The following MAGI2 variants were observed in gnomAD, a reference collection of about 807,000 sequenced individuals.
MAGI2 encodes the protein membrane associated guanylate kinase, WW and PDZ domain containing 2.
Under a neutral mutation model 133.3 loss-of-function variants are expected in MAGI2, and 35 were observed. That is an observed-to-expected ratio of 0.26 (90% CI 0.20 to 0.35). MAGI2 has a LOEUF of 0.35. Ranked by LOEUF, MAGI2 falls within the 10% of genes least tolerant of loss-of-function variation. The pLI is 1.00. For synonymous variants in MAGI2, 729 were observed against 710.6 expected (o/e 1.03, Z -0.41); for missense variants, 1,636 against 1,863.4 (o/e 0.88, Z 2.25).
chr7:78,524,378 A>G (rs1248020532), intron 3 of MAGI2, among the ~76,000 whole-genome samples: 1 of 152,182 alleles, frequency 6.6e-6, no homozygotes, highest in Non-Finnish European at 1.5e-5. Flanking sequence ...TTTATTAAAA[A>G]AAACTGTAAA....
At chr7:79,358,245 C>T (rs576645491) in intron 1 of MAGI2, among the ~76,000 whole-genome samples, 11 of 152,152 alleles carry the variant, frequency 7.2e-5, no homozygotes, top group Middle Eastern at 3.4e-3. Context: ...GTGCAATGTG[C>T]ATTTGATTAA....
At chr7:78,745,820 G>A (rs1307385589) in intron 2 of MAGI2, among the ~76,000 whole-genome samples, 2 of 152,062 alleles carry the variant, frequency 1.3e-5, no homozygotes, top group Non-Finnish European at 2.9e-5. Context: ...GGTATTCTAG[G>A]CATCTTTTCT....
intron 2 of MAGI2, among the ~76,000 whole-genome samples, chr7:78,961,413 T>C (rs1802828777): frequency 6.6e-6 from 1 of 152,062 alleles, no homozygotes; most frequent in African/African-American, 2.4e-5. Context: ...TTCTTTTCTA[T>C]CCCAGAAAAA....
intron 2 of MAGI2, among the ~76,000 whole-genome samples, chr7:78,729,267 A>G (rs1474019625): frequency 3.3e-5 from 5 of 152,220 alleles, no homozygotes; most frequent in Non-Finnish European, 7.3e-5. Flanking sequence ...AGTTAAGATA[A>G]ATTACAAAAC....
At position 78,846,378 on chromosome 7, in the gene MAGI2, A is replaced by C. The variant is rs191270180; in HGVS notation, c.418+160712T>G. Among the ~76,000 whole-genome samples the C allele has an allele frequency of 9.9e-5, 15 of 152,040 alleles. No homozygotes were observed. The East Asian group carries it at 2.7e-3, about 28-fold the overall frequency. ...TATTCATGTGTTCTAATCATGTCAG[A>C]TGGGTGGGTATATAGCAAGTCTTCA... is the stretch of plus-strand genomic sequence containing the variant. On this transcript the variant is annotated intron_variant, in intron 2 of 21. Transcript: ENST00000354212.
At chr7:79,370,750 C>G (rs1842999389) in intron 1 of MAGI2, among the ~76,000 whole-genome samples, 1 of 151,864 alleles carries the variant, frequency 6.6e-6, no homozygotes, top group Admixed American at 6.6e-5. Flanking sequence ...TTTGCTTGAG[C>G]CTTAACAGAA....
chr7:78,545,782 A>G (rs1159019568), intron 3 of MAGI2, among the ~76,000 whole-genome samples: 1 of 152,194 alleles, frequency 6.6e-6, no homozygotes, highest in Non-Finnish European at 1.5e-5. Flanking sequence ...TTTAGTCAAC[A>G]TGAGACTGAT....
chr7:78,167,410 A>G (rs1825721185), intron 15 of MAGI2, among the ~76,000 whole-genome samples: 1 of 152,210 alleles, frequency 6.6e-6, no homozygotes, highest in Non-Finnish European at 1.5e-5. Flanking sequence ...ATAAATTTGG[A>G]ACTATATGAA....
intron 16 of MAGI2, among the ~76,000 whole-genome samples, chr7:78,136,350 G>T (rs1822133136): frequency 2.0e-5 from 3 of 152,138 alleles, no homozygotes; most frequent in African/African-American, 7.2e-5. Flanking sequence ...TCGATCTCCT[G>T]ACCTCATGAT....
intron 1 of MAGI2, among the ~76,000 whole-genome samples, chr7:79,245,788 A>G (rs1170169178): frequency 6.6e-6 from 1 of 152,150 alleles, no homozygotes; most frequent in African/African-American, 2.4e-5. Context: ...GAGCAAACAC[A>G]GCCAGTCAGC....
chr7:78,204,535 G>A (rs1312671777), intron 10 of MAGI2, among the ~76,000 whole-genome samples: 1 of 152,104 alleles, frequency 6.6e-6, no homozygotes, highest in Non-Finnish European at 1.5e-5. Context: ...GTAATAGTTT[G>A]TTTTAGTTTC....
At chr7:78,478,488 A>C (rs1792011989) in intron 6 of MAGI2, among the ~76,000 whole-genome samples, 1 of 151,948 alleles carries the variant, frequency 6.6e-6, no homozygotes, top group African/African-American at 2.4e-5. Context: ...TATCTGAAAA[A>C]TGGGAGTTCA....
At chr7:79,126,348 C>T (rs1324963205) in intron 1 of MAGI2, among the ~76,000 whole-genome samples, 1 of 152,120 alleles carries the variant, frequency 6.6e-6, no homozygotes, top group Non-Finnish European at 1.5e-5. Context: ...AGGTGTGTGT[C>T]CCATCCAAGC....
At chr7:78,101,962 G>A (rs1029784557) in intron 20 of MAGI2, among the ~76,000 whole-genome samples, 6 of 152,044 alleles carry the variant, frequency 3.9e-5, no homozygotes, top group African/African-American at 1.4e-4. Flanking sequence ...AACAACCTAA[G>A]TATACATCAA....
intron 2 of MAGI2, among the ~76,000 whole-genome samples, chr7:78,754,276 T>G (rs550619236): frequency 2.6e-4 from 40 of 151,406 alleles, no homozygotes; most frequent in African/African-American, 9.0e-4. Flanking sequence ...GAGGCTGAGG[T>G]GGGAGGATCA....
intron 2 of MAGI2, among the ~76,000 whole-genome samples, chr7:78,915,282 T>C (rs1798702692): frequency 6.6e-6 from 1 of 152,116 alleles, no homozygotes; most frequent in Admixed American, 6.6e-5. Context: ...AAATACAATA[T>C]CTGAAATTTA....
intron 2 of MAGI2, among the ~76,000 whole-genome samples, chr7:78,850,438 T>A (rs775415949): frequency 1.3e-5 from 2 of 152,112 alleles, no homozygotes; most frequent in Non-Finnish European, 2.9e-5. Context: ...TAAAAGTGAA[T>A]ACACAGTATT....
chr7:78,730,297 T>C (rs1821241849), intron 2 of MAGI2, among the ~76,000 whole-genome samples: 2 of 151,906 alleles, frequency 1.3e-5, no homozygotes, highest in South Asian at 4.2e-4. Flanking sequence ...TATGACTTCT[T>C]CCAATGACTC....
chr7:78,699,352 C>T (rs978197249), intron 2 of MAGI2, among the ~76,000 whole-genome samples: 1 of 152,146 alleles, frequency 6.6e-6, no homozygotes, highest in Non-Finnish European at 1.5e-5. Context: ...CCTCCTGCCT[C>T]GGCCTCCCAA....
Sources: gnomAD v4.1 joint callset for allele counts (sites outside exome capture counted in the v4.1 genomes callset) on GRCh38, gnomAD v4.1.1 for gene constraint, MANE v1.5 for transcripts, NCBI Gene and HGNC (gene_info 2026-07-23, HGNC 2026-07-21) for gene names.